Variants in AUTS2 observed in about 807,000 individuals in gnomAD.
AUTS2 encodes the protein autism susceptibility gene 2 protein.
Under a neutral mutation model 112.4 loss-of-function variants are expected in AUTS2, and 17 were observed. The ratio of observed to expected loss-of-function variants is 0.15; its 90% CI spans 0.10 to 0.23. The LOEUF is 0.23. AUTS2 is among the 10% of genes least tolerant of loss of function. AUTS2 has a pLI of 1.00. For missense variants in AUTS2, 1,510 were observed against 1,701.6 expected (o/e 0.89, Z 1.98); for synonymous variants, 751 against 702.7 (o/e 1.07, Z -1.09).
At chr7:70,402,073 C>T (rs140067582) in intron 4 of AUTS2, among the ~76,000 whole-genome samples, 20 of 152,312 alleles carry the variant, frequency 1.3e-4, no homozygotes, top group East Asian at 9.6e-4. Flanking sequence ...CCTTGCTCCC[C>T]GCAAAGTTCC....
In AUTS2 at chr7:70,645,499, G is replaced by A. The variant is rs557044042; in HGVS notation, c.691-53070G>A. Among the ~76,000 whole-genome samples the A allele has an allele frequency of 1.2e-4, 18 of 152,136 alleles. No homozygotes were observed. In the East Asian group the frequency reaches 3.5e-3, roughly 30 times the overall value. The stretch of plus-strand genomic sequence containing the variant: ...AATTAATAACTCTCCCTCCAGAGGG[G>A]CAGCTTCATTCAGGAACCGTTTCAC... On this transcript the variant is annotated intron_variant, in intron 5 of 18. Coordinates refer to ENST00000342771, the MANE Select transcript of AUTS2 (RefSeq NM_015570.4).
At chr7:70,507,524 C>G (rs887335571) in intron 5 of AUTS2, among the ~76,000 whole-genome samples, 1 of 152,072 alleles carries the variant, frequency 6.6e-6, no homozygotes, top group Non-Finnish European at 1.5e-5. Flanking sequence ...AGGCCGGGCG[C>G]AGTGGCTCAC....
intron 5 of AUTS2, among the ~76,000 whole-genome samples, chr7:70,678,741 T>G (rs1441508494): frequency 6.6e-6 from 1 of 152,192 alleles, no homozygotes; most frequent in African/African-American, 2.4e-5. Context: ...AGGCCTTCCT[T>G]TTTCCCTTAG....
intron 5 of AUTS2, among the ~76,000 whole-genome samples, chr7:70,571,070 C>A (rs1308142762): frequency 1.3e-5 from 2 of 152,106 alleles, no homozygotes; most frequent in Non-Finnish European, 2.9e-5. Flanking sequence ...GTATACATAC[C>A]CAGTAAATAT....
intron 4 of AUTS2, among the ~76,000 whole-genome samples, chr7:70,341,979 G>C (rs1185002966): frequency 6.6e-6 from 1 of 152,204 alleles, no homozygotes; most frequent in Non-Finnish European, 1.5e-5. Flanking sequence ...CTATAGTTCA[G>C]CATGGCTGCC....
chr7:70,357,505 GC>G (rs1193236161), intron 4 of AUTS2, among the ~76,000 whole-genome samples: 1 of 152,210 alleles, frequency 6.6e-6, no homozygotes, highest in East Asian at 1.9e-4. Context: ...GTCTAATTGT[GC>G]CAGAACAACA....
chr7:70,395,329 A>G (rs528900385), intron 4 of AUTS2, among the ~76,000 whole-genome samples: 4 of 152,294 alleles, frequency 2.6e-5, no homozygotes, highest in Admixed American at 2.6e-4. Flanking sequence ...GCCTCTCACC[A>G]AGTTTCAGAG....
chr7:70,029,262 T>G (rs895594363), intron 2 of AUTS2, among the ~76,000 whole-genome samples: 2 of 74,326 alleles, frequency 2.7e-5, no homozygotes, highest in Non-Finnish European at 6.4e-5. Flanking sequence ...CAGGGATACT[T>G]TTTTTTTTTT....
At chr7:69,786,170 C>T (rs762267601) in intron 1 of AUTS2, among the ~76,000 whole-genome samples, 2 of 152,194 alleles carry the variant, frequency 1.3e-5, no homozygotes, top group Non-Finnish European at 1.5e-5. Flanking sequence ...TGCTCTGTGT[C>T]TGGCTAAAGG....
chr7:69,837,940 C>CT (rs1252732955), intron 1 of AUTS2, among the ~76,000 whole-genome samples: 3 of 152,134 alleles, frequency 2.0e-5, no homozygotes, highest in Non-Finnish European at 4.4e-5. Context: ...CAGCCTCTGC[C>CT]TGCAGCTAAG....
intron 5 of AUTS2, among the ~76,000 whole-genome samples, chr7:70,642,106 T>C (rs572958383): frequency 1.3e-5 from 2 of 152,360 alleles, no homozygotes; most frequent in African/African-American, 2.4e-5. Context: ...CTTGCTGTTA[T>C]TCACCTTTCT....
intron 4 of AUTS2, among the ~76,000 whole-genome samples, chr7:70,376,321 C>A (rs1288957486): frequency 2.0e-5 from 3 of 152,104 alleles, no homozygotes; most frequent in African/African-American, 7.2e-5. Flanking sequence ...GGTCAGATAG[C>A]ACATATTTTA....
intron 4 of AUTS2, among the ~76,000 whole-genome samples, chr7:70,152,750 GA>G (rs771651918): frequency 1.4e-4 from 22 of 152,220 alleles, no homozygotes; most frequent in Non-Finnish European, 1.8e-4. Context: ...CACATGAAAA[GA>G]TGCTTTACAT....
At chr7:70,663,390 C>CT (rs1217790707) in intron 5 of AUTS2, among the ~76,000 whole-genome samples, 2 of 152,180 alleles carry the variant, frequency 1.3e-5, no homozygotes, top group African/African-American at 2.4e-5. Flanking sequence ...CAGCGGGACT[C>CT]TGTCTTTTAA....
At chr7:70,574,971 T>C (rs554056647) in intron 5 of AUTS2, among the ~76,000 whole-genome samples, 2 of 152,296 alleles carry the variant, frequency 1.3e-5, no homozygotes, top group East Asian at 1.9e-4. Context: ...GTAGGAGTAG[T>C]TGGATTGAGT....
rs779389610 is a variant in AUTS2 at position 70,780,797 on chromosome 7, AAGTT to A, written c.2005-815_2005-812del. Among the ~76,000 whole-genome samples the A allele has an allele frequency of 1.1e-4, 16 of 152,308 alleles. No individual in the cohort carries two copies. In the East Asian group the frequency reaches 3.1e-3, roughly 29 times the overall value. On this transcript the variant is annotated intron_variant, in intron 14 of 18. Coordinates refer to ENST00000342771, the MANE Select transcript of AUTS2 (RefSeq NM_015570.4). ...TTGTTATATAACAGTGATCATTTGA[AAGTT>A]AGCTTATAGACATGCAAATATTTCT... is the stretch of plus-strand genomic sequence containing the variant.
At chr7:70,299,917 A>G (rs1051744281) in intron 4 of AUTS2, among the ~76,000 whole-genome samples, 3 of 152,136 alleles carry the variant, frequency 2.0e-5, no homozygotes, top group African/African-American at 7.2e-5. Context: ...GGAGACCATA[A>G]CATGTAGTCT....
At chr7:69,879,587 T>G (rs1207033459) in intron 1 of AUTS2, among the ~76,000 whole-genome samples, 1 of 152,184 alleles carries the variant, frequency 6.6e-6, no homozygotes, top group Non-Finnish European at 1.5e-5. Flanking sequence ...TTCCTAGATC[T>G]TGACACTCTT....
chr7:70,583,298 AT>A (rs1802534547), intron 5 of AUTS2, among the ~76,000 whole-genome samples: 1 of 152,224 alleles, frequency 6.6e-6, no homozygotes, highest in Non-Finnish European at 1.5e-5. Context: ...AAAATTGATA[AT>A]CGCATGGCAG....
Sources: allele counts gnomAD v4.1 joint callset (sites outside exome capture counted in the v4.1 genomes callset), GRCh38; gene constraint gnomAD v4.1.1; transcripts MANE v1.5; gene names NCBI Gene and HGNC (gene_info 2026-07-23, HGNC 2026-07-21).